Variants in ADGRG1 observed in about 807,000 individuals in gnomAD.
ADGRG1 encodes adhesion G protein-coupled receptor G1, also known as 7-transmembrane protein with no EGF-like N-terminal domains-1.
Under a neutral mutation model 73.5 loss-of-function variants are expected in ADGRG1, and 53 were observed. The observed-to-expected ratio is 0.72, with a 90% CI of 0.58 to 0.91. The LOEUF is 0.91. Ranked by LOEUF, ADGRG1 falls within the 40% of genes least tolerant of loss-of-function variation. ADGRG1 has a pLI of 0.00. For synonymous variants in ADGRG1, 394 were observed against 374.4 expected (o/e 1.05, Z -0.60); for missense variants, 795 against 871.8 (o/e 0.91, Z 1.11).
chr16:57,655,780 G>A lies in ADGRG1; in HGVS notation c.901-96G>A. 4 of 1,612,530 alleles carry A rather than the reference G, an allele frequency of 2.5e-6. No individual in the cohort carries two copies. The South Asian group carries it at 4.4e-5, about 18-fold the overall frequency. ...CGCAGCATCTCAAGGCAATGTGCTG[G>A]GAGAGGGTTATCTAGAGAGGGTAAG... On this transcript the variant is annotated intron_variant, in intron 6 of 13. Coordinates refer to ENST00000562631, the MANE Select transcript of ADGRG1 (RefSeq NM_201525.4).
At chr16:57,631,343 G>A (rs1039763542) in intron 1 of ADGRG1, 36 of 985,752 alleles carry the variant, frequency 3.7e-5, no homozygotes, top group Admixed American at 1.2e-4. Flanking sequence ...TGCGGGTTCC[G>A]CCATCCTGTG....
At chr16:57,634,619 C>A in intron 1 of ADGRG1, 1 of 315,688 alleles carries the variant, frequency 3.2e-6, no homozygotes, top group Non-Finnish European at 4.6e-6. Flanking sequence ...TGCCTCTTAG[C>A]CTGGACTTTT....
At chr16:57,625,382 G>A (rs1482038274), upstream of ADGRG1, among the ~76,000 whole-genome samples, 2 of 152,144 alleles carry the variant, frequency 1.3e-5, no homozygotes, top group African/African-American at 2.4e-5. Context: ...CTTCAGGGAC[G>A]TTTCAGACAT....
In ADGRG1 at chr16:57,663,772, A is replaced by G. The variant is rs753029019; in HGVS notation, c.*190A>G. 2 of 654,108 alleles carry G rather than the reference A, an allele frequency of 3.1e-6. No homozygotes were observed. Among genetic ancestry groups the G allele is most frequent in the Admixed American group, 4.9e-5 (2 of 40,590 alleles). The allele number at this position is 654,108 out of a possible 1,614,324, so 40.5% of individuals were successfully genotyped here. A position where few individuals can be genotyped will look rare whatever the true frequency, so the allele number is the denominator to read the frequency against. On this transcript the variant is annotated 3_prime_UTR_variant, in exon 14 of 14. Transcript: ENST00000562631. Reference sequence around the variant, plus strand: ...CTGGGCTTTTGAATTGGCCTTGGGGACTACTCGGCTCTCACTCAGCTCCCA... The same window carrying G: ...CTGGGCTTTTGAATTGGCCTTGGGGGCTACTCGGCTCTCACTCAGCTCCCA...
intron 1 of ADGRG1, chr16:57,635,406 G>C (rs2039103260): frequency 2.0e-6 from 2 of 985,282 alleles, no homozygotes; most frequent in African/African-American, 1.7e-5. Context: ...ACCTTAAGTG[G>C]AGGTGGTGGG....
intron 11 of ADGRG1, chr16:57,660,518 C>A: frequency 1.4e-6 from 1 of 727,454 alleles, no homozygotes. Flanking sequence ...GCCTTTCTCC[C>A]AGGGGCCCCC....
intron 1 of ADGRG1, chr16:57,639,873 T>TG (rs566928476): frequency 3.3e-4 from 322 of 973,546 alleles, no homozygotes; most frequent in South Asian, 2.1e-3. Flanking sequence ...AGCCAGTGGG[T>TG]GGGGGTGTGG....
At chr16:57,641,970 C>T (rs551156836) in intron 1 of ADGRG1, 17 of 396,940 alleles carry the variant, frequency 4.3e-5, no homozygotes, top group Middle Eastern at 1.3e-3. Context: ...TCACTGCAGC[C>T]TCAAACTCCT....
intron 1 of ADGRG1, chr16:57,637,299 G>A: frequency 1.0e-6 from 1 of 985,140 alleles, no homozygotes; most frequent in Non-Finnish European, 1.2e-6. Flanking sequence ...TTTGGCTTTT[G>A]GCTCTGGGCA....
chr16:57,647,282 C>T (rs2042905015), intron 1 of ADGRG1: 2 of 985,378 alleles, frequency 2.0e-6, no homozygotes, highest in Non-Finnish European at 2.4e-6. Flanking sequence ...CCATTGCACT[C>T]TCCCGGAAAG....
intron 3 of ADGRG1, chr16:57,651,933 C>T (rs976504274): frequency 5.9e-6 from 8 of 1,351,394 alleles, no homozygotes; most frequent in Non-Finnish European, 7.6e-6. Flanking sequence ...AGGATGAGGT[C>T]TGAATAGGGT....
At position 57,628,927 on chromosome 16, in the gene ADGRG1, AGTGT is replaced by A. The variant is rs143495160; in HGVS notation, c.-36+127_-36+130del. The A allele has an allele frequency of 1.4e-3, 956 of 689,664 alleles. 7 individuals carry two copies. The highest frequency in any genetic ancestry group is 1.5e-3 in the Middle Eastern group (2 of 1,330). The allele number at this position is 689,664 out of a possible 1,614,324, so 42.7% of individuals were successfully genotyped here. A position where few individuals can be genotyped will look rare whatever the true frequency, so the allele number is the denominator to read the frequency against. ...GTGTGAGTGTGTGAGAGTGAGTGTG[AGTGT>A]GAGTGTGAGCGTGAGAGTGTGAGAG... is the stretch of plus-strand genomic sequence containing the variant. On this transcript the variant is annotated intron_variant, in intron 1 of 13. Coordinates refer to ENST00000562631, the MANE Select transcript of ADGRG1 (RefSeq NM_201525.4).
intron 1 of ADGRG1, among the ~76,000 whole-genome samples, chr16:57,645,540 C>T (rs1365589374): frequency 1.3e-5 from 2 of 152,206 alleles, no homozygotes; most frequent in African/African-American, 4.8e-5. Flanking sequence ...AGTCCAGGCC[C>T]TACCATCTAG....
At chr16:57,623,735 CCCTGCTGGG>C, upstream of ADGRG1, 1 of 945,880 alleles carries the variant, frequency 1.1e-6, no homozygotes, top group South Asian at 4.9e-5. Context: ...GCAACGCAAT[CCCTGCTGGG>C]CCTGGGCCCT....
chr16:57,662,911 C>T (rs2047595740), intron 13 of ADGRG1: 4 of 985,154 alleles, frequency 4.1e-6, no homozygotes, highest in Non-Finnish European at 4.8e-6. Flanking sequence ...ACAGGGTCAC[C>T]CTAGAATGGG....
intron 1 of ADGRG1, chr16:57,640,926 G>A: frequency 1.0e-6 from 1 of 985,618 alleles, no homozygotes; most frequent in African/African-American, 1.7e-5. Context: ...CTGGCCTTGG[G>A]CAACGTGGGA....
upstream of ADGRG1, chr16:57,628,069 C>T (rs1045831123): frequency 2.0e-6 from 2 of 985,008 alleles, no homozygotes; most frequent in Non-Finnish European, 2.4e-6. Flanking sequence ...GGTCACCCCC[C>T]GGGGGGACGC....
At chr16:57,623,169 G>A (rs2035186994), upstream of ADGRG1, 2 of 981,120 alleles carry the variant, frequency 2.0e-6, no homozygotes, top group South Asian at 4.7e-5. Flanking sequence ...GGGGGAAAAT[G>A]CAAGTCACCT....
At position 57,651,382 on chromosome 16, in the gene ADGRG1, GACCCC is replaced by G; in HGVS notation, c.249_253del (p.Asp83GlufsTer25). 1 of 1,614,062 alleles carries G rather than the reference GACCCC, an allele frequency of 6.2e-7. No homozygotes were observed. Among genetic ancestry groups the G allele is most frequent in the Non-Finnish European group, 8.5e-7 (1 of 1,180,012 alleles). On this transcript the variant is annotated frameshift_variant, in exon 3 of 14. Coordinates refer to ENST00000562631, the MANE Select transcript of ADGRG1 (RefSeq NM_201525.4). LOFTEE classifies it high-confidence loss of function. ...CCACCCTGCTTCCCGATCCTTCCCT[GACCCC>G]AGGGGCCTCTACCACTTCTGCCTCT...
Sources: allele counts gnomAD v4.1 joint callset (sites outside exome capture counted in the v4.1 genomes callset), GRCh38; gene constraint gnomAD v4.1.1; transcripts MANE v1.5; gene names NCBI Gene and HGNC (gene_info 2026-07-23, HGNC 2026-07-21).